Variants in GTF2IRD2 observed in about 807,000 individuals in gnomAD.
GTF2IRD2 encodes GTF2I repeat domain containing 2.
GTF2IRD2 carries 8 observed loss-of-function variants against 49.2 expected under a neutral mutation model. That is an observed-to-expected ratio of 0.16 (90% CI 0.10 to 0.29). The LOEUF (loss-of-function observed/expected upper bound fraction) is 0.29. GTF2IRD2 is among the 10% of genes least tolerant of loss of function. GTF2IRD2 has a pLI of 1.00. For synonymous variants in GTF2IRD2, 47 were observed against 289.7 expected, an observed-to-expected ratio of 0.16 and a Z score of 8.51; for missense variants, 130 against 725.7, an observed-to-expected ratio of 0.18 and a Z score of 9.43.
At chr7:74,813,370 T>C (rs1584389601) in intron 8 of GTF2IRD2, among the ~76,000 whole-genome samples, 1 of 20,106 alleles carries the variant, frequency 5.0e-5, no homozygotes, top group Non-Finnish European at 8.8e-5. Flanking sequence ...AAAGCGAGAC[T>C]CCATCTCAAA....
In GTF2IRD2 at chr7:74,841,269, G is replaced by T. The variant is rs1363095407; in HGVS notation, c.-5-4886C>A. Among the ~76,000 whole-genome samples the T allele has an allele frequency of 3.8e-4, 39 of 103,152 alleles. 2 individuals carry two copies. The East Asian group carries it at 6.0e-3, about 16-fold the overall frequency. The allele number at this position is 103,152 out of a possible 152,430, so 67.7% of individuals were successfully genotyped here. ...TGCAATCCCTGCCTCTGGGGTTCAA[G>T]CAGTTCTTCTGCCTCAGCCTCCCAA... On this transcript the variant is annotated intron_variant, in intron 1 of 15. Coordinates refer to ENST00000451013, the MANE Select transcript of GTF2IRD2 (RefSeq NM_173537.5).
At chr7:74,838,042 G>A (rs1490327989) in intron 1 of GTF2IRD2, among the ~76,000 whole-genome samples, 1 of 62,290 alleles carries the variant, frequency 1.6e-5, no homozygotes, top group African/African-American at 1.3e-4. Context: ...GAGCCACCGC[G>A]CCCGGCCCGC....
chr7:74,806,511 CG>C (rs1797770718), intron 12 of GTF2IRD2, among the ~76,000 whole-genome samples: 1 of 152,174 alleles, frequency 6.6e-6, no homozygotes, highest in Non-Finnish European at 1.5e-5. Context: ...AGGGTTTCAC[CG>C]TGTTATCCAG....
Position 74,829,610 on chromosome 7 carries a change from G to A in GTF2IRD2, c.238+3195C>T, listed in dbSNP as rs587761665. Among the ~76,000 whole-genome samples the A allele has an allele frequency of 1.7e-3, 261 of 149,236 alleles. 1 individual carries two copies. The highest frequency in any genetic ancestry group is 6.2e-3 in the African/African-American group (252 of 40,376). ...CTAAAATTCACATGGGGCTGGGCGC[G>A]GTGGCTCACCCTGTAATCCCAGCAC... On this transcript the variant is annotated intron_variant, in intron 3 of 15. Transcript: ENST00000451013.
At position 74,819,812 on chromosome 7, in the gene GTF2IRD2, G is replaced by T. The variant is rs1400694328; in HGVS notation, c.626+157C>A. Among the ~76,000 whole-genome samples, 2 of 151,512 alleles carry T rather than the reference G, an allele frequency of 1.3e-5. 1 individual carries two copies. Among genetic ancestry groups the T allele is most frequent in the African/African-American group, 4.9e-5 (2 of 41,004 alleles). On this transcript the variant is annotated intron_variant, in intron 7 of 15. Transcript: ENST00000451013. ...CCGAAAGTAGTCTTCTAATTCCAAA[G>T]GTCCTTTTGGACAAAGAATAGGATA...
intron 4 of GTF2IRD2, among the ~76,000 whole-genome samples, chr7:74,824,235 G>A (rs377288032): frequency 1.3e-4 from 13 of 97,812 alleles, no homozygotes; most frequent in East Asian, 3.3e-4. Flanking sequence ...TTGGGAGGTC[G>A]AGGCAGGAGG....
chr7:74,799,157 A>G (rs1584383182), intron 15 of GTF2IRD2: 1 of 119,910 alleles, frequency 8.3e-6, no homozygotes, highest in African/African-American at 3.2e-5. Flanking sequence ...CTTATTTTCA[A>G]AAGTACATGA....
intron 2 of GTF2IRD2, among the ~76,000 whole-genome samples, chr7:74,836,074 C>T (rs1376455000): frequency 1.5e-5 from 2 of 133,612 alleles, no homozygotes; most frequent in African/African-American, 3.8e-5. Context: ...ATTGCTTGAA[C>T]GCAGGAGAAT....
chr7:74,824,669 G>A lies in GTF2IRD2; in HGVS notation c.358+264C>T, dbSNP rs1184347283. Among the ~76,000 whole-genome samples, 11 of 32,682 alleles carry A rather than the reference G, an allele frequency of 3.4e-4. 4 individuals are homozygous for A. The South Asian group carries it at 0.013, about 38-fold the overall frequency. 21.4% of individuals were successfully genotyped at this position (32,682 alleles called of 152,430 possible). A position where few individuals can be genotyped will look rare whatever the true frequency, so the allele number is the denominator to read the frequency against. ...AGCATTTTGGGAGGCCAAGGCAGGCGGATCACAAGGTGAGGAGTTTGAGAC... is the reference window on the plus strand; with the variant it reads ...AGCATTTTGGGAGGCCAAGGCAGGCAGATCACAAGGTGAGGAGTTTGAGAC... On this transcript the variant is annotated intron_variant, in intron 4 of 15. Coordinates refer to ENST00000451013, the MANE Select transcript of GTF2IRD2 (RefSeq NM_173537.5).
Position 74,841,598 on chromosome 7 carries a change from T to C in GTF2IRD2, c.-5-5215A>G, listed in dbSNP as rs1471466448. On this transcript the variant is annotated intron_variant, in intron 1 of 15. Coordinates refer to ENST00000451013, the MANE Select transcript of GTF2IRD2 (RefSeq NM_173537.5). ...TCCTTCCCCCTCATCCACACTGGGA[T>C]TACAGCTGCAAGCCACTACACCTGG... 5.0e-5 allele frequency among the ~76,000 whole-genome samples: 7 copies of C among 141,368 alleles called. 1 individual carries two copies. The highest frequency in any genetic ancestry group is 2.1e-4 in the African/African-American group (7 of 33,850). The allele number at this position is 141,368 out of a possible 152,430, so 92.7% of individuals were successfully genotyped here. A position where few individuals can be genotyped will look rare whatever the true frequency, so the allele number is the denominator to read the frequency against.
chr7:74,799,000 T>A (rs1554416693), intron 15 of GTF2IRD2: 1 of 145,746 alleles, frequency 6.9e-6, no homozygotes, highest in Non-Finnish European at 1.5e-5. Context: ...TTCTTTTCTT[T>A]TTTTCTTTTT....
At chr7:74,809,860 T>C in intron 10 of GTF2IRD2, among the ~76,000 whole-genome samples, 1 of 111,484 alleles carries the variant, frequency 9.0e-6, no homozygotes, top group Non-Finnish European at 2.0e-5. Context: ...ATGGTGCGAT[T>C]TCGGCTCACT....
In GTF2IRD2 at chr7:74,839,028, G is replaced by A. The variant is rs1800544258; in HGVS notation, c.-5-2645C>T. Among the ~76,000 whole-genome samples, 2 of 22,610 alleles carry A rather than the reference G, an allele frequency of 8.8e-5. 1 individual carries two copies. The highest frequency in any genetic ancestry group is 2.9e-3 in the South Asian group (2 of 694). 14.8% of individuals were successfully genotyped at this position (22,610 alleles called of 152,430 possible). A position where few individuals can be genotyped will look rare whatever the true frequency, so the allele number is the denominator to read the frequency against. On this transcript the variant is annotated intron_variant, in intron 1 of 15. Transcript: ENST00000451013. The stretch of plus-strand genomic sequence containing the variant: ...CAACCTCTGCCTCCCGGGTTCAAGC[G>A]ATTCTCCTGCCTCAGCCTCCCAAGT...
intron 3 of GTF2IRD2, among the ~76,000 whole-genome samples, chr7:74,829,894 A>ACAAAC (rs1488631016): frequency 6.9e-6 from 1 of 144,736 alleles, no homozygotes. Context: ...TCTCAAAAAA[A>ACAAAC]AAAAAAAATT....
intron 6 of GTF2IRD2, chr7:74,821,773 C>T (rs1798894667): frequency 1.3e-5 from 1 of 76,156 alleles, no homozygotes; most frequent in Non-Finnish European, 2.3e-5. Context: ...AGGCTGGTCT[C>T]GAACTCCTGA....
intron 8 of GTF2IRD2, among the ~76,000 whole-genome samples, chr7:74,815,615 GACGGCGTGCACCTATGATTCCAGCT>G: frequency 1.1e-5 from 1 of 91,032 alleles, no homozygotes; most frequent in Admixed American, 1.3e-4. Flanking sequence ...AGCCAGGTGT[GACGGCGTGCACCTATGATTCCAGCT>G]ACTCAGGAGG....
chr7:74,822,274 C>T, intron 6 of GTF2IRD2, 153 bp downstream of exon 6: 1 of 1,275,162 alleles, frequency 7.8e-7, no homozygotes, highest in Non-Finnish European at 1.1e-6. Flanking sequence ...TGGTCGCGAT[C>T]TCCTGACCTT....
intron 6 of GTF2IRD2, 156 bp downstream of exon 6, chr7:74,822,271 G>T (rs1344843409): frequency 1.9e-5 from 23 of 1,201,336 alleles, no homozygotes; most frequent in South Asian, 4.9e-5. Context: ...GGATGGTCGC[G>T]ATCTCCTGAC....
At chr7:74,799,921 C>CAAAA (rs1160840166) in intron 15 of GTF2IRD2, among the ~76,000 whole-genome samples, 7 of 13,940 alleles carry the variant, frequency 5.0e-4, no homozygotes, top group East Asian at 8.3e-3. Flanking sequence ...CCTGTCTCTA[C>CAAAA]AAAAAAAAAA....
Sources: allele counts gnomAD v4.1 joint callset (sites outside exome capture counted in the v4.1 genomes callset), GRCh38; gene constraint gnomAD v4.1.1; transcripts MANE v1.5; gene names NCBI Gene and HGNC (gene_info 2026-07-23, HGNC 2026-07-21).